The following ISM1 variants were observed in gnomAD, a reference collection of about 807,000 sequenced individuals.
ISM1 encodes isthmin 1.
In ISM1, 25 loss-of-function variants were observed where a neutral mutation model predicts 46.3. The ratio of observed to expected loss-of-function variants is 0.54; its 90% CI spans 0.39 to 0.75. The LOEUF is 0.75. Ranked by LOEUF, ISM1 falls within the 30% of genes least tolerant of loss-of-function variation. ISM1 has a pLI of 0.00. For missense variants in ISM1, 536 were observed against 625.4 expected, an observed-to-expected ratio of 0.86 and a Z score of 1.52; for synonymous variants, 255 against 256.7, an observed-to-expected ratio of 0.99 and a Z score of 0.06.
rs182052639 is a variant in ISM1, at chr20:13,238,624, T to C, written c.138+16710T>C. On this transcript the variant is annotated intron_variant, in intron 1 of 5. Coordinates refer to ENST00000262487, the MANE Select transcript of ISM1 (RefSeq NM_080826.2). ...AGTTGTTTTTATGCCTATCAGAAAATGAAGAATGTTATTAACTTTCCAAGA... is the reference window on the plus strand; with the variant it reads ...AGTTGTTTTTATGCCTATCAGAAAACGAAGAATGTTATTAACTTTCCAAGA... 3.2e-3 allele frequency among the ~76,000 whole-genome samples: 492 copies of C among 152,170 alleles called. 2 individuals are homozygous for C. The highest frequency in any genetic ancestry group is 0.011 in the African/African-American group (458 of 41,506).
At chr20:13,317,615 T>G in the ISM1 span, among the ~76,000 whole-genome samples, 2 of 151,842 alleles carry the variant, frequency 1.3e-5, no homozygotes, top group Non-Finnish European at 2.9e-5. Context: ...TGGAACAGAC[T>G]AGAGAGCCAG....
At chr20:13,225,096 G>A (rs564464351) in intron 1 of ISM1, among the ~76,000 whole-genome samples, 114 of 150,456 alleles carry the variant, frequency 7.6e-4, no homozygotes, top group African/African-American at 2.1e-3. Flanking sequence ...CTCATGATCC[G>A]CCCGCCTTGG....
chr20:13,302,235 G>A (rs2040464184), downstream of ISM1, among the ~76,000 whole-genome samples: 1 of 152,176 alleles, frequency 6.6e-6, no homozygotes, highest in Non-Finnish European at 1.5e-5. Context: ...ATCAGACCTT[G>A]CTGACCTAAT....
At chr20:13,323,569 AT>A in the ISM1 span, among the ~76,000 whole-genome samples, 1 of 152,180 alleles carries the variant, frequency 6.6e-6, no homozygotes, top group Non-Finnish European at 1.5e-5. Flanking sequence ...TTTCTTGGCC[AT>A]TTACTTTGTT....
rs946520605 is a variant in ISM1, at chr20:13,270,413, G to A, written c.139-91G>A. ...TGGCTTAATTTCAGCCACTGGAATT[G>A]TCCTTGCTCCTGAATATAATGGACT... On this transcript the variant is annotated intron_variant, in intron 1 of 5. Transcript: ENST00000262487. 2.1e-6 allele frequency: 3 copies of A among 1,415,586 alleles called. No homozygotes were observed. In the African/African-American group the frequency reaches 4.3e-5, roughly 20 times the overall value. 87.7% of individuals were successfully genotyped at this position (1,415,586 alleles called of 1,614,324 possible).
At chr20:13,291,995 C>T (rs74494306) in intron 4 of ISM1, among the ~76,000 whole-genome samples, 13,801 of 152,190 alleles carry the variant, frequency 0.091, 785 homozygotes, top group Non-Finnish European at 0.13. Flanking sequence ...ATGATTTCAA[C>T]GCACACAGTC....
chr20:13,268,521 G>T (rs1382522939), intron 1 of ISM1, among the ~76,000 whole-genome samples: 1 of 152,176 alleles, frequency 6.6e-6, no homozygotes, highest in Non-Finnish European at 1.5e-5. Flanking sequence ...TGGCAGAGAG[G>T]TGGCTGGAAA....
chr20:13,294,955 A>G (rs1050012487), intron 5 of ISM1, among the ~76,000 whole-genome samples: 2 of 152,094 alleles, frequency 1.3e-5, no homozygotes. Flanking sequence ...ATGCGATCCC[A>G]CACTTTGCCT....
intron 2 of ISM1, among the ~76,000 whole-genome samples, chr20:13,273,184 C>T (rs553675913): frequency 3.3e-5 from 4 of 120,676 alleles, no homozygotes; most frequent in Non-Finnish European, 6.9e-5. Context: ...TCTGAAAATT[C>T]CCATTCCCTA....
chr20:13,221,936 G>A (rs2039454231), intron 1 of ISM1, 22 bp downstream of exon 1: 1 of 1,317,018 alleles, frequency 7.6e-7, no homozygotes, highest in Non-Finnish European at 9.6e-7. Context: ...GCCGGAGAGG[G>A]CCGTGCGCGG....
intron 2 of ISM1, among the ~76,000 whole-genome samples, chr20:13,277,619 CCTTTT>C (rs2123275192): frequency 6.7e-6 from 1 of 149,820 alleles, no homozygotes; most frequent in African/African-American, 2.5e-5. Flanking sequence ...ATGATGTATT[CCTTTT>C]CTTTTCTTCC....
In ISM1 at chr20:13,260,671, C is replaced by T. The variant is rs543473219; in HGVS notation, c.139-9833C>T. On this transcript the variant is annotated intron_variant, in intron 1 of 5. Coordinates refer to ENST00000262487, the MANE Select transcript of ISM1 (RefSeq NM_080826.2). The stretch of plus-strand genomic sequence containing the variant: ...CAAGTGTCTCTTTAGGATTCCATTC[C>T]GAGGAAGTCAGAGCTGAATAGAGTG... Among the ~76,000 whole-genome samples, 47 of 151,874 alleles carry T rather than the reference C, an allele frequency of 3.1e-4. 1 individual carries two copies. The South Asian group carries it at 7.1e-3, about 23-fold the overall frequency.
intron 1 of ISM1, among the ~76,000 whole-genome samples, chr20:13,260,860 G>A (rs1389549691): frequency 3.9e-5 from 6 of 152,128 alleles, no homozygotes. Context: ...GGGTCAGCAG[G>A]GTGGCTCTCA....
chr20:13,273,604 C>T (rs1461681705), intron 2 of ISM1, among the ~76,000 whole-genome samples: 1 of 152,186 alleles, frequency 6.6e-6, no homozygotes, highest in Non-Finnish European at 1.5e-5. Context: ...GCAGTTGGGA[C>T]TCCCAGAGCT....
chr20:13,235,365 AGTT>A (rs755290083), intron 1 of ISM1, among the ~76,000 whole-genome samples: 14 of 152,164 alleles, frequency 9.2e-5, no homozygotes, highest in Non-Finnish European at 1.8e-4. Context: ...TGGGCTTTGG[AGTT>A]GTTTTGATTC....
intron 1 of ISM1, 76 bp downstream of exon 1, chr20:13,221,990 G>T: frequency 8.1e-7 from 1 of 1,227,312 alleles, no homozygotes. Context: ...GCTAGTGCCG[G>T]GTGGATGCAG....
At chr20:13,293,405 A>C (rs1424763432) in intron 5 of ISM1, among the ~76,000 whole-genome samples, 1 of 151,992 alleles carries the variant, frequency 6.6e-6, no homozygotes, top group Non-Finnish European at 1.5e-5. Context: ...AGAAGGGTAA[A>C]ATTCCTTCTG....
the ISM1 span, among the ~76,000 whole-genome samples, chr20:13,319,701 A>G: frequency 6.6e-6 from 1 of 152,214 alleles, no homozygotes; most frequent in African/African-American, 2.4e-5. Flanking sequence ...TGGCTACAGG[A>G]AAATGTTTGT....
At chr20:13,274,462 C>A (rs981537023) in intron 2 of ISM1, among the ~76,000 whole-genome samples, 4 of 152,188 alleles carry the variant, frequency 2.6e-5, no homozygotes, top group Non-Finnish European at 5.9e-5. Flanking sequence ...CCCTGGCAAC[C>A]TGCCTTTGCC....
Sources: gnomAD v4.1 joint callset for allele counts (sites outside exome capture counted in the v4.1 genomes callset) on GRCh38, gnomAD v4.1.1 for gene constraint, MANE v1.5 for transcripts, NCBI Gene and HGNC (gene_info 2026-07-23, HGNC 2026-07-21) for gene names.